Variants in USP13 observed in about 807,000 individuals in gnomAD.
USP13 encodes the protein ubiquitin carboxyl-terminal hydrolase 13.
A neutral mutation model predicts 107.8 loss-of-function variants in USP13; 68 were observed. The ratio of observed to expected loss-of-function variants is 0.63; its 90% confidence interval spans 0.52 to 0.77. The LOEUF (loss-of-function observed/expected upper bound fraction) is 0.77, where lower values mean the gene tolerates loss of function less well. Among genes scored for constraint, USP13 ranks in the 30% least tolerant of loss-of-function variants. The probability of loss-of-function intolerance (pLI) is 0.00; values close to 1 mark genes in which losing one functional copy is unlikely to be tolerated. For synonymous variants in USP13, 377 were observed against 389.5 expected, an observed-to-expected ratio of 0.97 and a Z score of 0.38; for missense variants, 945 against 1,093.3, an observed-to-expected ratio of 0.86 and a Z score of 1.91.
intron 3 of USP13, among the ~76,000 whole-genome samples, chr3:179,692,099 T>G (rs1712136480): frequency 1.3e-5 from 2 of 152,196 alleles, no homozygotes; most frequent in South Asian, 4.1e-4. Context: ...GTGCACACAC[T>G]TCTACACACA....
rs1715152226 is a variant in USP13, at chr3:179,765,737, C to A, written c.2302C>A (p.Pro768Thr). The change falls in exon 19 of 21, where the codon CCT becomes ACT. Residue 768 changes from proline to threonine, a missense_variant. Physicochemically the swap from Pro to Thr is conservative, Grantham distance 38 (BLOSUM62 -1). Coordinates refer to ENST00000263966, the MANE Select transcript of USP13 (RefSeq NM_003940.3). ...AGCACTGGATTGGATCTTTAGCCAC[C>A]CTGAGTTTGAAGAAGACAGTGATTT... ...ERALDWIFSH[P>T]EFEEDSDFVI... 1 of 1,614,028 alleles carries A rather than the reference C, an allele frequency of 6.2e-7. No homozygotes were observed. Among genetic ancestry groups the A allele is most frequent in the Non-Finnish European group, 8.5e-7 (1 of 1,179,938 alleles).
intron 19 of USP13, among the ~76,000 whole-genome samples, chr3:179,767,602 G>C (rs1715219435): frequency 6.6e-6 from 1 of 152,078 alleles, no homozygotes; most frequent in Non-Finnish European, 1.5e-5. Context: ...TAGTTCTTCT[G>C]TTGTTGGAGG....
intron 10 of USP13, among the ~76,000 whole-genome samples, chr3:179,738,522 G>C (rs1033203601): frequency 2.0e-5 from 3 of 152,208 alleles, no homozygotes; most frequent in Admixed American, 6.5e-5. Flanking sequence ...GTGAAGATAA[G>C]ACTAGTGTCC....
intron 19 of USP13, among the ~76,000 whole-genome samples, chr3:179,767,428 GTT>G (rs1431728738): frequency 3.5e-5 from 5 of 143,736 alleles, no homozygotes; most frequent in Admixed American, 7.0e-5. Context: ...GTTTTTTTTG[GTT>G]TTTTTTTTTT....
rs911199340 is a variant in USP13, at chr3:179,690,924, T to C, written c.355+623T>C. Among the ~76,000 whole-genome samples, 6 of 152,098 alleles carry C rather than the reference T, an allele frequency of 3.9e-5. No homozygotes were observed. In the East Asian group the frequency reaches 5.8e-4, roughly 15 times the overall value. ...GACTCACGCCTGTATTCCCAGCACGTTGGGAGGCTGAGGCAGGAGGATTGC... is the reference window on the plus strand; with the variant it reads ...GACTCACGCCTGTATTCCCAGCACGCTGGGAGGCTGAGGCAGGAGGATTGC... On this transcript the variant is annotated intron_variant, in intron 3 of 20. Coordinates refer to ENST00000263966, the MANE Select transcript of USP13 (RefSeq NM_003940.3).
Position 179,723,713 on chromosome 3 carries a change from A to G in USP13, c.1088+2124A>G, listed in dbSNP as rs76395975. ...TAGATATATGAGAACATGAGCAATG[A>G]ACTATTCATACATGTCTTCAGTCTT... On this transcript the variant is annotated intron_variant, in intron 8 of 20. Transcript: ENST00000263966. 2.6e-5 allele frequency among the ~76,000 whole-genome samples: 4 copies of G among 152,358 alleles called. No individual in the cohort carries two copies. The East Asian group carries it at 7.7e-4, about 29-fold the overall frequency.
chr3:179,692,198 G>A (rs574364720), intron 3 of USP13, among the ~76,000 whole-genome samples: 1 of 152,210 alleles, frequency 6.6e-6, no homozygotes, highest in Non-Finnish European at 1.5e-5. Flanking sequence ...CCCGGTAATA[G>A]AATGGAAGTG....
chr3:179,733,285 C>A (rs540215325), intron 10 of USP13, among the ~76,000 whole-genome samples: 4 of 152,290 alleles, frequency 2.6e-5, no homozygotes, highest in African/African-American at 9.6e-5. Flanking sequence ...GCCCATCCAG[C>A]TGGGTGGGAG....
chr3:179,680,004 A>C (rs1458930308), intron 1 of USP13, among the ~76,000 whole-genome samples: 1 of 152,024 alleles, frequency 6.6e-6, no homozygotes, highest in Admixed American at 6.6e-5. Context: ...GCAAAACCCT[A>C]TCTCTACAAG....
chr3:179,683,063 T>C (rs1279939902), intron 2 of USP13, among the ~76,000 whole-genome samples: 1 of 152,062 alleles, frequency 6.6e-6, no homozygotes, highest in South Asian at 2.1e-4. Flanking sequence ...TTCTGGTTTT[T>C]TTTTTTTCTT....
intron 2 of USP13, among the ~76,000 whole-genome samples, chr3:179,688,812 G>C (rs975410837): frequency 1.3e-5 from 2 of 152,170 alleles, no homozygotes; most frequent in African/African-American, 4.8e-5. Flanking sequence ...CTTTGCAATA[G>C]GTTTTATTTC....
At chr3:179,705,825 C>T (rs764099797) in intron 4 of USP13, among the ~76,000 whole-genome samples, 18 of 152,094 alleles carry the variant, frequency 1.2e-4, no homozygotes, top group East Asian at 3.9e-4. Context: ...CAGGCTCAAG[C>T]GATCCTCCTG....
At position 179,696,443 on chromosome 3, in the gene USP13, G is replaced by A. The variant is rs1238571088; in HGVS notation, c.356-4565G>A. ...CCTCCCGGGTTCAAGCGATTCTCCT[G>A]CATTAGCCTCCTGAGTAGCTGGGAT... On this transcript the variant is annotated intron_variant, in intron 3 of 20. Coordinates refer to ENST00000263966, the MANE Select transcript of USP13 (RefSeq NM_003940.3). Among the ~76,000 whole-genome samples, 5 of 149,044 alleles carry A rather than the reference G, an allele frequency of 3.4e-5. No individual in the cohort carries two copies. The East Asian group carries it at 1.0e-3, about 30-fold the overall frequency.
chr3:179,739,724 A>AT (rs1397667287), intron 10 of USP13, among the ~76,000 whole-genome samples: 1 of 151,982 alleles, frequency 6.6e-6, no homozygotes, highest in Non-Finnish European at 1.5e-5. Flanking sequence ...TGCCCAGCTA[A>AT]TTTTTTGTAT....
chr3:179,782,406 T>C (rs1715780066), intron 20 of USP13, among the ~76,000 whole-genome samples: 1 of 152,194 alleles, frequency 6.6e-6, no homozygotes, highest in South Asian at 2.1e-4. Flanking sequence ...CTTCTCAGCC[T>C]TCTTAAGTAG....
chr3:179,658,437 C>T (rs764981040), intron 1 of USP13, among the ~76,000 whole-genome samples: 2 of 130,782 alleles, frequency 1.5e-5, no homozygotes, highest in Non-Finnish European at 2.9e-5. Context: ...GCTAATTCTG[C>T]CCCCCTCCCC....
At chr3:179,676,985 A>G (rs1170742416) in intron 1 of USP13, among the ~76,000 whole-genome samples, 2 of 151,960 alleles carry the variant, frequency 1.3e-5, no homozygotes, top group East Asian at 2.0e-4. Flanking sequence ...CAGCCTCCCA[A>G]GTAGCTGGAT....
intron 11 of USP13, among the ~76,000 whole-genome samples, chr3:179,741,278 C>T (rs1318691903): frequency 3.3e-5 from 5 of 152,046 alleles, no homozygotes; most frequent in African/African-American, 4.8e-5. Flanking sequence ...TGCAGTGGCA[C>T]GATCTTGGCC....
At chr3:179,669,011 G>T (rs1448780212) in intron 1 of USP13, among the ~76,000 whole-genome samples, 1 of 152,188 alleles carries the variant, frequency 6.6e-6, no homozygotes, top group East Asian at 1.9e-4. Context: ...TAATAGGTAG[G>T]TGGTGGCTTG....
Sources: allele counts gnomAD v4.1 joint callset (sites outside exome capture counted in the v4.1 genomes callset), GRCh38; gene constraint gnomAD v4.1.1; transcripts MANE v1.5; gene names NCBI Gene and HGNC (gene_info 2026-07-23, HGNC 2026-07-21).